UMOD: variants seen among roughly 807,000 people sequenced by gnomAD.
The protein encoded by UMOD is uromodulin.
In UMOD, 64 loss-of-function variants were observed where a neutral mutation model predicts 66.0. That is an observed-to-expected ratio of 0.97 (90% CI 0.79 to 1.19). The LOEUF (loss-of-function observed/expected upper bound fraction) is 1.19, where lower values mean the gene tolerates loss of function less well. Among genes scored for constraint, UMOD ranks in the 50% most tolerant of loss-of-function variants. The pLI is 0.00. For synonymous variants in UMOD, 398 were observed against 352.7 expected (o/e 1.13, Z -1.44); for missense variants, 764 against 850.9 (o/e 0.90, Z 1.27).
intron 1 of UMOD, 69 bp downstream of exon 1, chr16:20,352,620 C>T (rs1965952769): frequency 8.4e-7 from 1 of 1,191,432 alleles, no homozygotes. Flanking sequence ...TCTTAATTTC[C>T]TCTCCTACCT....
At position 20,349,094 on chromosome 16, in the gene UMOD, G is replaced by T. The variant is rs1218858441; in HGVS notation, c.207C>A (p.Cys69Ter). Residue 69 changes from cysteine to a stop codon, truncating the protein, a stop_gained, in exon 3 of 11, where the codon TGC becomes TGA. Transcript: ENST00000396138. LOFTEE classifies it high-confidence loss of function. ...AGCAGTTGTGAGCTCCAGGAATGGC[G>T]CACTCATCCAGGTCCACGCAGGTCA... ...DGLTCVDLDE[C>*]AIPGAHNCSA... The T allele has an allele frequency of 3.7e-6, 6 of 1,613,298 alleles. No individual in the cohort carries two copies. The highest frequency in any genetic ancestry group is 5.1e-6 in the Non-Finnish European group (6 of 1,179,734).
chr16:20,346,033 T>C, intron 5 of UMOD, 93 bp downstream of exon 5: 1 of 1,254,510 alleles, frequency 8.0e-7, no homozygotes, highest in South Asian at 1.3e-5. Context: ...CCAGGCTAAA[T>C]AACTCCCCAA....
intron 1 of UMOD, chr16:20,352,447 T>A (rs1201248225): frequency 5.4e-6 from 2 of 373,218 alleles, no homozygotes; most frequent in South Asian, 1.5e-4. Context: ...ACCTGGCACA[T>A]AATAGGTGCA....
chr16:20,350,033 A>T (rs1965815165), intron 2 of UMOD, among the ~76,000 whole-genome samples: 1 of 152,182 alleles, frequency 6.6e-6, no homozygotes, highest in Non-Finnish European at 1.5e-5. Context: ...TTTAAAGATG[A>T]GGAGACTGAG....
At chr16:20,341,395 CCTT>C (rs1965210325) in intron 6 of UMOD, 59 bp from the exon 7 acceptor site, 1 of 1,604,612 alleles carries the variant, frequency 6.2e-7, no homozygotes, top group Non-Finnish European at 8.5e-7. Flanking sequence ...AGATAGGCCA[CCTT>C]CTCTGATTTG....
chr16:20,348,188 T>A (rs1254079008), intron 4 of UMOD, 35 bp downstream of exon 4: 1 of 1,594,344 alleles, frequency 6.3e-7, no homozygotes, highest in African/African-American at 1.3e-5. Context: ...AGTGACAGGT[T>A]TCTCAACAAC....
chr16:20,340,963 C>T, intron 7 of UMOD, 128 bp downstream of exon 7: 1 of 1,133,198 alleles, frequency 8.8e-7, no homozygotes, highest in South Asian at 1.4e-5. Context: ...CATTGCACTC[C>T]AACCTTGGCG....
chr16:20,351,902 C>T lies in UMOD; in HGVS notation c.-103+787G>A, dbSNP rs146793453. Among the ~76,000 whole-genome samples the T allele has an allele frequency of 7.6e-3, 1,145 of 151,482 alleles. 15 individuals carry two copies. Among genetic ancestry groups the T allele is most frequent in the African/African-American group, 0.027 (1,094 of 41,170 alleles). On this transcript the variant is annotated intron_variant, in intron 1 of 10. Coordinates refer to ENST00000396138, the MANE Select transcript of UMOD (RefSeq NM_003361.4). ...GCATGGTGGTGGGCGCCTGTAATCCCAGCTACTCGGGAGGCTGAGACAGGA... is the reference window on the plus strand; with the variant it reads ...GCATGGTGGTGGGCGCCTGTAATCCTAGCTACTCGGGAGGCTGAGACAGGA...
At chr16:20,335,442 T>C (rs1964816152) in intron 10 of UMOD, 40 bp downstream of exon 10, 1 of 1,607,564 alleles carries the variant, frequency 6.2e-7, no homozygotes, top group East Asian at 2.2e-5. Flanking sequence ...CCCAGGAGAG[T>C]TCTGGAACAG....
At chr16:20,349,239 G>C (rs1378271030) in intron 2 of UMOD, 27 bp from the exon 3 acceptor site, 2 of 1,608,044 alleles carry the variant, frequency 1.2e-6, no homozygotes, top group African/African-American at 2.7e-5. Flanking sequence ...CCAGCTTCAG[G>C]GTTTGGGCAG....
At chr16:20,338,056 C>T (rs1016680404) in intron 7 of UMOD, among the ~76,000 whole-genome samples, 6 of 152,246 alleles carry the variant, frequency 3.9e-5, no homozygotes, top group Non-Finnish European at 5.9e-5. Flanking sequence ...ATTCCGCACT[C>T]TTTCCTCAAA....
chr16:20,344,401 G>A lies in UMOD; in HGVS notation c.1183-229C>T, dbSNP rs148024719. On this transcript the variant is annotated intron_variant, in intron 5 of 10. Transcript: ENST00000396138. ...GCGGATCACCTGAGGTCAGGAGTTC[G>A]AGACCAGCCTGTCCAATATGGTGAA... Among the ~76,000 whole-genome samples, 1,215 of 152,118 alleles carry A rather than the reference G, an allele frequency of 8.0e-3. 16 individuals carry two copies. The highest frequency in any genetic ancestry group is 0.025 in the African/African-American group (1,040 of 41,484).
Position 20,345,574 on chromosome 16 carries a change from CTTCTCTTTCTTTCTTCCTCTCT to C in UMOD, c.1182+530_1182+551del, listed in dbSNP as rs1161555572. ...TTCTCTTTCTTTCTTTCTTTCCTTC[CTTCTCTTTCTTTCTTCCTCTCT>C]TTCTCTTTCTTTCTTCCTCTGGTAA... On this transcript the variant is annotated intron_variant, in intron 5 of 10. Coordinates refer to ENST00000396138, the MANE Select transcript of UMOD (RefSeq NM_003361.4). 1.8e-4 allele frequency among the ~76,000 whole-genome samples: 24 copies of C among 135,166 alleles called. No homozygotes were observed. In the Admixed American group the frequency reaches 1.8e-3, roughly 10 times the overall value. 88.7% of individuals were successfully genotyped at this position (135,166 alleles called of 152,430 possible). A position where few individuals can be genotyped will look rare whatever the true frequency, so the allele number is the denominator to read the frequency against.
chr16:20,335,124 C>G (rs1964801891), intron 10 of UMOD, among the ~76,000 whole-genome samples: 1 of 152,050 alleles, frequency 6.6e-6, no homozygotes, highest in African/African-American at 2.4e-5. Context: ...CTGCGCCTGG[C>G]CTATTTGTCA....
intron 4 of UMOD, among the ~76,000 whole-genome samples, chr16:20,347,576 G>C (rs1965658416): frequency 6.6e-6 from 1 of 152,126 alleles, no homozygotes; most frequent in Admixed American, 6.5e-5. Flanking sequence ...GCCACAGACA[G>C]ATGAAGTCCT....
intron 10 of UMOD, among the ~76,000 whole-genome samples, chr16:20,334,417 A>G (rs1025718185): frequency 2.0e-5 from 3 of 152,162 alleles, no homozygotes; most frequent in African/African-American, 7.2e-5. Flanking sequence ...GTTTCCAATA[A>G]GTGTGTGTAC....
chr16:20,334,835 AT>A (rs11365132), intron 10 of UMOD, among the ~76,000 whole-genome samples: 51,422 of 137,700 alleles, frequency 0.37, 12,274 homozygotes, highest in East Asian at 0.9. Context: ...TTTGTCACCT[AT>A]TTTTTTTTTT....
chr16:20,337,533 CT>C, intron 7 of UMOD, 80 bp from the exon 8 acceptor site: 3 of 1,575,062 alleles, frequency 1.9e-6, no homozygotes, highest in Non-Finnish European at 2.6e-6. Flanking sequence ...AAATATTGCT[CT>C]GTCACCTTTC....
intron 7 of UMOD, among the ~76,000 whole-genome samples, chr16:20,339,162 T>G (rs1453285517): frequency 2.6e-5 from 4 of 152,250 alleles, no homozygotes; most frequent in Non-Finnish European, 4.4e-5. Flanking sequence ...CTAACCTGTT[T>G]CTTAAAGCTA....
Sources: gnomAD v4.1 joint callset for allele counts (sites outside exome capture counted in the v4.1 genomes callset) on GRCh38, gnomAD v4.1.1 for gene constraint, MANE v1.5 for transcripts, NCBI Gene and HGNC (gene_info 2026-07-23, HGNC 2026-07-21) for gene names.